The following MAPK4 variants were observed in gnomAD, a reference collection of about 807,000 sequenced individuals.
MAPK4 encodes the protein mitogen-activated protein kinase 4, also known as Erk3-related.
In MAPK4, 22 loss-of-function variants were observed where a neutral mutation model predicts 47.7. The ratio of observed to expected loss-of-function variants is 0.46; its 90% CI spans 0.33 to 0.66. MAPK4 has a LOEUF of 0.66. MAPK4 is among the 30% of genes least tolerant of loss of function. The pLI is 0.02. For synonymous variants in MAPK4, 390 were observed against 365.7 expected (o/e 1.07, Z -0.76); for missense variants, 736 against 831.7 (o/e 0.88, Z 1.42).
chr18:50,725,219 T>C (rs1911128634), intron 4 of MAPK4, among the ~76,000 whole-genome samples: 2 of 152,206 alleles, frequency 1.3e-5, no homozygotes, highest in Non-Finnish European at 2.9e-5. Flanking sequence ...AGCCTGGTTG[T>C]TCAGTATCTG....
chr18:50,715,419 C>A (rs543110469), intron 3 of MAPK4, among the ~76,000 whole-genome samples, 196 bp downstream of exon 3: 3 of 152,170 alleles, frequency 2.0e-5, no homozygotes, highest in African/African-American at 4.8e-5. Context: ...AAAATAGTAG[C>A]CTTTTGAGCA....
chr18:50,569,202 T>G (rs1190536703), intron 1 of MAPK4, among the ~76,000 whole-genome samples: 1 of 152,236 alleles, frequency 6.6e-6, no homozygotes, highest in Admixed American at 6.5e-5. Context: ...CATTTTAAGA[T>G]GTACAGTGTT....
At chr18:50,659,681 G>C (rs1016206152) in intron 1 of MAPK4, among the ~76,000 whole-genome samples, 5 of 152,196 alleles carry the variant, frequency 3.3e-5, no homozygotes, top group African/African-American at 1.2e-4. Flanking sequence ...GAGTCCTGAG[G>C]GTAGAACTTT....
At position 50,580,006 on chromosome 18, in the gene MAPK4, G is replaced by A. The variant is rs137914914; in HGVS notation, c.-871+19763G>A. ...TTTGATTTGTGGTTTCCTCTCACAGGGCTCTTCATCACACAGTAATTGATA... is the reference window on the plus strand; with the variant it reads ...TTTGATTTGTGGTTTCCTCTCACAGAGCTCTTCATCACACAGTAATTGATA... On this transcript the variant is annotated intron_variant, in intron 1 of 5. Coordinates refer to ENST00000400384, the MANE Select transcript of MAPK4 (RefSeq NM_002747.4). Among the ~76,000 whole-genome samples, 718 of 152,202 alleles carry A rather than the reference G, an allele frequency of 4.7e-3. 5 individuals carry two copies. The highest frequency in any genetic ancestry group is 0.016 in the African/African-American group (663 of 41,526).
At chr18:50,623,710 A>G (rs905346526) in intron 1 of MAPK4, among the ~76,000 whole-genome samples, 4 of 152,240 alleles carry the variant, frequency 2.6e-5, no homozygotes, top group African/African-American at 9.6e-5. Context: ...TAAACGTGCA[A>G]ATCAGACTAC....
intron 1 of MAPK4, among the ~76,000 whole-genome samples, chr18:50,640,294 C>T (rs1299992681): frequency 6.6e-6 from 1 of 151,686 alleles, no homozygotes; most frequent in Non-Finnish European, 1.5e-5. Context: ...AGGGGCCATG[C>T]TCTGTCACCT....
At chr18:50,706,453 G>A (rs1910059936) in intron 2 of MAPK4, among the ~76,000 whole-genome samples, 4 of 146,920 alleles carry the variant, frequency 2.7e-5, no homozygotes, top group South Asian at 4.3e-4. Flanking sequence ...AGTCCTGAAC[G>A]TCAGTTTTTT....
At chr18:50,705,542 G>T (rs1485043713) in intron 2 of MAPK4, 1 of 152,202 alleles carries the variant, frequency 6.6e-6, no homozygotes, top group Non-Finnish European at 1.5e-5. Context: ...CCCTTGTACA[G>T]AGTGGATGTC....
intron 1 of MAPK4, among the ~76,000 whole-genome samples, chr18:50,616,951 C>T (rs931709738): frequency 3.3e-5 from 5 of 152,194 alleles, no homozygotes; most frequent in African/African-American, 1.2e-4. Flanking sequence ...ATCAAGTTGA[C>T]ACAGTATTAA....
At chr18:50,694,996 A>G (rs567964492) in intron 2 of MAPK4, among the ~76,000 whole-genome samples, 2 of 152,276 alleles carry the variant, frequency 1.3e-5, no homozygotes, top group African/African-American at 4.8e-5. Context: ...AGTGTTTATT[A>G]TTATTACTGT....
chr18:50,726,153 A>G lies in MAPK4; in HGVS notation c.1045A>G (p.Asn349Asp). 2 of 1,614,064 alleles carry G rather than the reference A, an allele frequency of 1.2e-6. No homozygotes were observed. Among genetic ancestry groups the G allele is most frequent in the Non-Finnish European group, 8.5e-7 (1 of 1,180,030 alleles). ...LMAANQSQLSNWDTCSSRYPV... is the reference protein window; with the variant it reads ...LMAANQSQLSDWDTCSSRYPV... The stretch of plus-strand genomic sequence containing the variant: ...GGCCGCTAACCAGAGCCAGCTGTCC[A>G]ACTGGGACACGTGCAGTTCCAGGTG... Residue 349 changes from asparagine to aspartate, a missense_variant, in exon 5 of 6, where the codon AAC becomes GAC. Asn to Asp is a conservative substitution (Grantham distance 23). This residue lies in a region of MAPK4 where 377 missense variants were observed against 378.6 expected (regional missense o/e 1.00). Transcript: ENST00000400384.
At chr18:50,564,263 T>C (rs2042179292) in intron 1 of MAPK4, among the ~76,000 whole-genome samples, 1 of 152,232 alleles carries the variant, frequency 6.6e-6, no homozygotes, top group African/African-American at 2.4e-5. Context: ...GTGCCCATTA[T>C]TTTAAGGCAG....
At chr18:50,647,589 A>C (rs2043001788) in intron 1 of MAPK4, among the ~76,000 whole-genome samples, 1 of 152,102 alleles carries the variant, frequency 6.6e-6, no homozygotes, top group Admixed American at 6.5e-5. Flanking sequence ...TGTTACCAGA[A>C]TTTTACCGTC....
chr18:50,677,358 C>T (rs908276687), intron 2 of MAPK4, among the ~76,000 whole-genome samples: 1 of 152,168 alleles, frequency 6.6e-6, no homozygotes, highest in African/African-American at 2.4e-5. Context: ...ATGGTTTTAT[C>T]ACAGTAACCT....
At position 50,729,548 on chromosome 18, in the gene MAPK4, G is replaced by T; in HGVS notation, c.1458G>T (p.Pro486=). 2.1e-6 allele frequency: 3 copies of T among 1,428,140 alleles called. No homozygotes were observed. The highest frequency in any genetic ancestry group is 2.8e-6 in the Non-Finnish European group (3 of 1,090,636). The allele number at this position is 1,428,140 out of a possible 1,614,324, so 88.5% of individuals were successfully genotyped here. The change falls in exon 6 of 6, where the codon CCG becomes CCT. Residue 486 remains proline (P), a synonymous_variant. Coordinates refer to ENST00000400384, the MANE Select transcript of MAPK4 (RefSeq NM_002747.4). The part of the protein sequence containing the change: ...LADTGAREDE[P]ASLFLEIAQW... Reference sequence around the variant, plus strand: ...ACACGGGGGCGCGCGAGGACGAGCCGGCCAGCCTCTTCCTGGAGATCGCGC... The same window carrying T: ...ACACGGGGGCGCGCGAGGACGAGCCTGCCAGCCTCTTCCTGGAGATCGCGC...
At chr18:50,560,398 C>G (rs1002002720) in intron 1 of MAPK4, among the ~76,000 whole-genome samples, 155 bp downstream of exon 1, 3 of 152,102 alleles carry the variant, frequency 2.0e-5, no homozygotes, top group African/African-American at 7.2e-5. Flanking sequence ...AAGCCACTGC[C>G]AAACTAGCGA....
intron 1 of MAPK4, among the ~76,000 whole-genome samples, chr18:50,607,078 A>AT (rs1166904375): frequency 6.6e-6 from 1 of 152,190 alleles, no homozygotes; most frequent in Non-Finnish European, 1.5e-5. Flanking sequence ...CTGCGGAATG[A>AT]TACAGTATCA....
intron 1 of MAPK4, among the ~76,000 whole-genome samples, chr18:50,616,452 T>G (rs745822): frequency 0.29 from 44,023 of 152,056 alleles, 7,605 homozygotes; most frequent in South Asian, 0.39. Flanking sequence ...GGGCTTGTAT[T>G]AGGGTTCTCT....
chr18:50,721,999 A>C lies in MAPK4; in HGVS notation c.753A>C (p.Glu251Asp), dbSNP rs759399423. The C allele has an allele frequency of 6.2e-7, 1 of 1,614,110 alleles. No homozygotes were observed. The highest frequency in any genetic ancestry group is 8.5e-7 in the Non-Finnish European group (1 of 1,180,012). Residue 251 changes from glutamate to aspartate, a missense_variant, in exon 4 of 6, where the codon GAA (glutamate) becomes GAC (aspartate). Around this residue, in one of 3 missense-constraint regions of MAPK4, gnomAD observed 327 missense variants for 395.4 expected, o/e 0.83. Coordinates refer to ENST00000400384, the MANE Select transcript of MAPK4 (RefSeq NM_002747.4). Reference sequence around the variant, plus strand: ...AGACCATCCCTGTAATCCGGGAGGAAGACAAGGACGAGCTGCTCAGGGTGA... The same window carrying C: ...AGACCATCCCTGTAATCCGGGAGGACGACAAGGACGAGCTGCTCAGGGTGA... ...ILETIPVIRE[E>D]DKDELLRVMP...
Sources: allele counts gnomAD v4.1 joint callset (sites outside exome capture counted in the v4.1 genomes callset), GRCh38; gene constraint gnomAD v4.1.1; regional missense constraint gnomAD v4.1.1; transcripts MANE v1.5; gene names NCBI Gene and HGNC (gene_info 2026-07-23, HGNC 2026-07-21).